Variants in GABRG3 observed in about 807,000 individuals in gnomAD.
GABRG3 encodes the protein gamma-aminobutyric acid type A receptor subunit gamma3, also known as gamma-aminobutyric acid receptor subunit gamma-3.
A neutral mutation model predicts 48.8 loss-of-function variants in GABRG3; 25 were observed. The ratio of observed to expected loss-of-function variants is 0.51; its 90% confidence interval spans 0.37 to 0.72. The LOEUF (loss-of-function observed/expected upper bound fraction) is 0.72. Ranked by LOEUF, GABRG3 falls within the 30% of genes least tolerant of loss-of-function variation. The probability of loss-of-function intolerance (pLI) is 0.00; values close to 1 mark genes in which losing one functional copy is unlikely to be tolerated. For synonymous variants in GABRG3, 227 were observed against 217.6 expected, an observed-to-expected ratio of 1.04 and a Z score of -0.38; for missense variants, 394 against 577.9, an observed-to-expected ratio of 0.68 and a Z score of 3.26.
intron 3 of GABRG3, among the ~76,000 whole-genome samples, chr15:27,275,099 A>G (rs569494598): frequency 6.6e-6 from 1 of 152,172 alleles, no homozygotes. Flanking sequence ...AATTTGCTTA[A>G]CCATGACCTC....
At chr15:27,325,642 A>G (rs1241862442) in intron 3 of GABRG3, among the ~76,000 whole-genome samples, 5 of 152,170 alleles carry the variant, frequency 3.3e-5, no homozygotes, top group Non-Finnish European at 7.3e-5. Context: ...TCTTCCCTGG[A>G]TAGAATATAA....
intron 3 of GABRG3, among the ~76,000 whole-genome samples, chr15:27,303,790 A>G (rs1326257140): frequency 6.6e-6 from 1 of 151,418 alleles, no homozygotes; most frequent in Non-Finnish European, 1.5e-5. Flanking sequence ...GTATATACAT[A>G]TATCTATTTG....
rs1264419216 is a variant in GABRG3, at chr15:27,353,414, TTTTC to T, written c.574+24536_574+24539del. On this transcript the variant is annotated intron_variant, in intron 5 of 9. Coordinates refer to ENST00000615808, the MANE Select transcript of GABRG3 (RefSeq NM_033223.5). Reference sequence around the variant, plus strand: ...CCTCTTCCCATAGATGTGTGCATAGTTTTCTTTCTTTCTATTTATTTATTTATTT... The same window carrying T: ...CCTCTTCCCATAGATGTGTGCATAGTTTTCTTTCTATTTATTTATTTATTT... Among the ~76,000 whole-genome samples the T allele has an allele frequency of 3.6e-5, 5 of 140,002 alleles. No homozygotes were observed. In the East Asian group the frequency reaches 6.0e-4, roughly 17 times the overall value. 91.8% of individuals were successfully genotyped at this position (140,002 alleles called of 152,430 possible).
intron 3 of GABRG3, among the ~76,000 whole-genome samples, chr15:27,214,694 A>ATTTTT (rs58631276): frequency 0.011 from 1,562 of 145,838 alleles, 19 homozygotes; most frequent in African/African-American, 0.031. Flanking sequence ...TCACATCCAC[A>ATTTTT]TTTTTTTTTT....
intron 3 of GABRG3, chr15:27,295,250 G>T (rs1334782003): frequency 6.6e-6 from 1 of 152,142 alleles, no homozygotes; most frequent in Non-Finnish European, 1.5e-5. Context: ...AGTTCTTAAT[G>T]TTAGAATGGT....
At chr15:27,225,670 G>T (rs1233665485) in intron 3 of GABRG3, among the ~76,000 whole-genome samples, 1 of 152,100 alleles carries the variant, frequency 6.6e-6, no homozygotes, top group Non-Finnish European at 1.5e-5. Context: ...TGAGGGCATG[G>T]CCCAGGAATG....
At chr15:27,293,508 A>C (rs1326414131) in intron 3 of GABRG3, among the ~76,000 whole-genome samples, 3 of 118,442 alleles carry the variant, frequency 2.5e-5, no homozygotes. Flanking sequence ...AACCCTGTCT[A>C]CTAAAAATAC....
At chr15:27,228,435 TG>T (rs1481526513) in intron 3 of GABRG3, among the ~76,000 whole-genome samples, 1 of 152,258 alleles carries the variant, frequency 6.6e-6, no homozygotes, top group African/African-American at 2.4e-5. Flanking sequence ...ATAGTATATA[TG>T]TACCACATTC....
intron 3 of GABRG3, among the ~76,000 whole-genome samples, chr15:27,186,596 T>C (rs1027140693): frequency 2.0e-5 from 3 of 152,190 alleles, no homozygotes; most frequent in Admixed American, 2.0e-4. Context: ...ATCTCTAAAC[T>C]GCCCTTCACA....
At chr15:27,049,214 T>C (rs1896414809) in intron 3 of GABRG3, among the ~76,000 whole-genome samples, 1 of 152,260 alleles carries the variant, frequency 6.6e-6, no homozygotes. Context: ...ATTTTTATTT[T>C]GTGCTGGGCC....
In GABRG3 at chr15:26,987,231, T is replaced by A. The variant is rs373998657; in HGVS notation, c.202+10081T>A. On this transcript the variant is annotated intron_variant, in intron 2 of 9. Coordinates refer to ENST00000615808, the MANE Select transcript of GABRG3 (RefSeq NM_033223.5). Reference sequence around the variant, plus strand: ...CGAGATCACACCATAATTCATAAGATGGCAGGGGGCATCAGGTGCCTTCCA... The same window carrying A: ...CGAGATCACACCATAATTCATAAGAAGGCAGGGGGCATCAGGTGCCTTCCA... Among the ~76,000 whole-genome samples the A allele has an allele frequency of 4.9e-4, 75 of 152,320 alleles. 2 individuals are homozygous for A. Among genetic ancestry groups the A allele is most frequent in the Admixed American group, 1.0e-3 (16 of 15,298 alleles).
chr15:27,404,246 C>T (rs1177047620), intron 5 of GABRG3, among the ~76,000 whole-genome samples: 2 of 152,132 alleles, frequency 1.3e-5, no homozygotes. Context: ...AGGCCTCCTA[C>T]CCCAGGAGTC....
At position 27,114,766 on chromosome 15, in the gene GABRG3, G is replaced by T. The variant is rs201086086; in HGVS notation, c.270+87945G>T. ...AATGAAAGGTGCAGACTTATTAAAG[G>T]CATAAGAGAATGCTTACCCAAAGGA... On this transcript the variant is annotated intron_variant, in intron 3 of 9. Coordinates refer to ENST00000615808, the MANE Select transcript of GABRG3 (RefSeq NM_033223.5). Among the ~76,000 whole-genome samples the T allele has an allele frequency of 1.3e-4, 19 of 151,738 alleles. No individual in the cohort carries two copies. In the East Asian group the frequency reaches 3.3e-3, roughly 26 times the overall value.
chr15:27,124,385 T>A (rs1897782286), intron 3 of GABRG3, among the ~76,000 whole-genome samples: 2 of 152,174 alleles, frequency 1.3e-5, no homozygotes, highest in Admixed American at 1.3e-4. Flanking sequence ...TGAAGGCCAG[T>A]GGCTCTGCTG....
At chr15:27,373,092 G>A (rs1312323848) in intron 5 of GABRG3, among the ~76,000 whole-genome samples, 3 of 152,168 alleles carry the variant, frequency 2.0e-5, no homozygotes, top group Admixed American at 1.3e-4. Context: ...GAAGGGTGAC[G>A]TGTACTAGAG....
At chr15:27,479,097 G>T (rs1284535022) in intron 5 of GABRG3, among the ~76,000 whole-genome samples, 1 of 151,490 alleles carries the variant, frequency 6.6e-6, no homozygotes, top group African/African-American at 2.4e-5. Context: ...TTAGATTAGG[G>T]TGATGGTTCC....
intron 3 of GABRG3, among the ~76,000 whole-genome samples, chr15:27,301,875 C>T (rs1892219922): frequency 6.6e-6 from 1 of 151,986 alleles, no homozygotes; most frequent in Non-Finnish European, 1.5e-5. Flanking sequence ...GTGGCTTTCT[C>T]ATCAGAAACC....
At chr15:27,122,005 T>C (rs966909391) in intron 3 of GABRG3, among the ~76,000 whole-genome samples, 4 of 152,086 alleles carry the variant, frequency 2.6e-5, no homozygotes, top group Non-Finnish European at 5.9e-5. Flanking sequence ...GGCTAATGGA[T>C]ACAAAAAATA....
chr15:27,163,855 T>A (rs1440864271), intron 3 of GABRG3, among the ~76,000 whole-genome samples: 1 of 152,144 alleles, frequency 6.6e-6, no homozygotes. Flanking sequence ...AAGTAAACAG[T>A]TCTGTGTGGC....
Sources: allele counts gnomAD v4.1 joint callset (sites outside exome capture counted in the v4.1 genomes callset), GRCh38; gene constraint gnomAD v4.1.1; transcripts MANE v1.5; gene names NCBI Gene and HGNC (gene_info 2026-07-23, HGNC 2026-07-21).